PEAK1: variants seen among roughly 807,000 people sequenced by gnomAD.
PEAK1 encodes pseudopodium enriched atypical kinase 1.
In PEAK1, 54 loss-of-function variants were observed where a neutral mutation model predicts 124.7. The observed-to-expected ratio is 0.43, with a 90% CI of 0.35 to 0.54. The LOEUF (loss-of-function observed/expected upper bound fraction) is 0.54, where lower values mean the gene tolerates loss of function less well. Ranked by LOEUF, PEAK1 falls within the 20% of genes least tolerant of loss-of-function variation. PEAK1 has a pLI of 0.01. For missense variants in PEAK1, 2,046 were observed against 2,134.5 expected (o/e 0.96, Z 0.82); for synonymous variants, 719 against 760.0 (o/e 0.95, Z 0.89).
At chr15:77,401,423 A>G (rs2071368740) in intron 1 of PEAK1, 1 of 793,636 alleles carries the variant, frequency 1.3e-6, no homozygotes, top group Non-Finnish European at 1.5e-6. Flanking sequence ...TTGTTCTTTC[A>G]ACATTTTCCT....
intron 5 of PEAK1, among the ~76,000 whole-genome samples, chr15:77,272,725 A>G (rs1419927749): frequency 1.3e-5 from 2 of 152,186 alleles, no homozygotes; most frequent in Non-Finnish European, 2.9e-5. Context: ...ACTCCAGAAG[A>G]TACAGAAAGA....
intron 2 of PEAK1, among the ~76,000 whole-genome samples, chr15:77,342,455 G>A (rs988356076): frequency 2.0e-5 from 3 of 147,982 alleles, no homozygotes; most frequent in Admixed American, 1.4e-4. Context: ...CACCTAGGCT[G>A]GAATGCAGTG....
chr15:77,388,960 ATTTTTTT>A (rs751451938), intron 1 of PEAK1, among the ~76,000 whole-genome samples: 1 of 121,694 alleles, frequency 8.2e-6, no homozygotes, highest in African/African-American at 3.1e-5. Flanking sequence ...TCTTTTGCTT[ATTTTTTT>A]TTTTTTTTTT....
At chr15:77,169,018 A>C (rs1334258467) in intron 7 of PEAK1, among the ~76,000 whole-genome samples, 1 of 152,192 alleles carries the variant, frequency 6.6e-6, no homozygotes, top group Non-Finnish European at 1.5e-5. Flanking sequence ...CTTTAGCTGG[A>C]GTGTTACTTT....
At position 77,327,172 on chromosome 15, in the gene PEAK1, GT is replaced by G. The variant is rs767595351; in HGVS notation, c.-603+37990del. On this transcript the variant is annotated intron_variant, in intron 2 of 9. Transcript: ENST00000682557. ...TTTTAGAAATAAGAAAATATTCAAA[GT>G]TTTCATACTAAAAAGTATTCCCAGA... 4.6e-5 allele frequency among the ~76,000 whole-genome samples: 7 copies of G among 152,150 alleles called. No homozygotes were observed. The East Asian group carries it at 9.6e-4, about 21-fold the overall frequency.
intron 2 of PEAK1, among the ~76,000 whole-genome samples, chr15:77,304,442 ATTT>A (rs71145812): frequency 2.6e-3 from 227 of 86,472 alleles, no homozygotes; most frequent in African/African-American, 7.9e-3. Flanking sequence ...TCCTGTATAC[ATTT>A]TTTTTTTTTT....
At chr15:77,157,033 A>G (rs1410075634) in intron 8 of PEAK1, 2 of 152,190 alleles carry the variant, frequency 1.3e-5, no homozygotes, top group African/African-American at 4.8e-5. Flanking sequence ...CTTCTTACAC[A>G]ATGTATTTTC....
chr15:77,145,563 A>C (rs1596341359), intron 8 of PEAK1, among the ~76,000 whole-genome samples: 1 of 152,186 alleles, frequency 6.6e-6, no homozygotes, highest in African/African-American at 2.4e-5. Flanking sequence ...GCTAGGGATA[A>C]AGAACACTAA....
intron 1 of PEAK1, among the ~76,000 whole-genome samples, chr15:77,376,510 G>A (rs560963226): frequency 1.3e-5 from 2 of 152,220 alleles, no homozygotes; most frequent in East Asian, 3.9e-4. Context: ...TCTCTCCTAA[G>A]AGAAGGTCTA....
chr15:77,329,515 C>T (rs2065776371), intron 2 of PEAK1, among the ~76,000 whole-genome samples: 1 of 152,122 alleles, frequency 6.6e-6, no homozygotes, highest in African/African-American at 2.4e-5. Context: ...AGACCTCACA[C>T]CTAAGTTAGA....
chr15:77,255,363 GC>G, intron 5 of PEAK1: 19 of 982,716 alleles, frequency 1.9e-5, no homozygotes, highest in Non-Finnish European at 2.3e-5. Context: ...TTTATTCCAA[GC>G]TTCTGCCGGT....
chr15:77,355,219 G>A (rs1262183820), intron 2 of PEAK1, among the ~76,000 whole-genome samples: 1 of 152,170 alleles, frequency 6.6e-6, no homozygotes, highest in East Asian at 1.9e-4. Context: ...CTTGCAGGAG[G>A]TGGAGAGATA....
intron 2 of PEAK1, among the ~76,000 whole-genome samples, chr15:77,321,070 C>T (rs1314966344): frequency 3.3e-5 from 5 of 152,180 alleles, no homozygotes; most frequent in Admixed American, 1.3e-4. Context: ...TGTTGGACAT[C>T]TGGGTTGGTT....
chr15:77,305,941 G>A (rs540817403), intron 2 of PEAK1, among the ~76,000 whole-genome samples: 6 of 151,926 alleles, frequency 3.9e-5, no homozygotes, highest in Non-Finnish European at 7.4e-5. Flanking sequence ...TGAAACCCAC[G>A]GACATGTAAG....
chr15:77,377,046 T>C (rs2069082083), intron 1 of PEAK1, among the ~76,000 whole-genome samples: 1 of 152,204 alleles, frequency 6.6e-6, no homozygotes, highest in South Asian at 2.1e-4. Context: ...AGCATGTTAC[T>C]ATATTGAATA....
intron 5 of PEAK1, among the ~76,000 whole-genome samples, chr15:77,274,384 C>G (rs1343028699): frequency 1.3e-5 from 2 of 151,882 alleles, no homozygotes; most frequent in Non-Finnish European, 2.9e-5. Context: ...CGACAAAGGA[C>G]TAATATCCAG....
At chr15:77,174,019 G>A (rs2056685118) in intron 7 of PEAK1, among the ~76,000 whole-genome samples, 1 of 152,146 alleles carries the variant, frequency 6.6e-6, no homozygotes, top group Non-Finnish European at 1.5e-5. Context: ...ACTTCTATGT[G>A]ATAGGTATCT....
intron 1 of PEAK1, among the ~76,000 whole-genome samples, chr15:77,415,219 CCTT>C (rs1446540068): frequency 6.6e-6 from 1 of 152,180 alleles, no homozygotes; most frequent in African/African-American, 2.4e-5. Flanking sequence ...AACTAACAAT[CCTT>C]CTTCAGTTTC....
intron 2 of PEAK1, among the ~76,000 whole-genome samples, chr15:77,311,685 CAAAAA>C (rs11296386): frequency 2.8e-4 from 24 of 85,872 alleles, no homozygotes; most frequent in Admixed American, 1.2e-3. Flanking sequence ...CCAACCCCCA[CAAAAA>C]AAAAAAAAAA....
Sources: gnomAD v4.1 joint callset for allele counts (sites outside exome capture counted in the v4.1 genomes callset) on GRCh38, gnomAD v4.1.1 for gene constraint, MANE v1.5 for transcripts, NCBI Gene and HGNC (gene_info 2026-07-23, HGNC 2026-07-21) for gene names.